Variants in ARMC9 observed in about 807,000 individuals in gnomAD.
ARMC9 encodes the protein lisH domain-containing protein ARMC9.
In ARMC9, 94 loss-of-function variants were observed where a neutral mutation model predicts 107.0. The observed-to-expected ratio is 0.88, with a 90% confidence interval of 0.74 to 1.04. The LOEUF (loss-of-function observed/expected upper bound fraction) is 1.04, where lower values mean the gene tolerates loss of function less well. Ranked by LOEUF, ARMC9 falls within the 50% of genes least tolerant of loss-of-function variation. The pLI, the probability that ARMC9 is intolerant of heterozygous loss-of-function variation, is 0.00. For missense variants in ARMC9, 942 were observed against 1,030.1 expected (o/e 0.91, Z 1.17); for synonymous variants, 380 against 396.9 (o/e 0.96, Z 0.51).
At chr2:231,278,510 C>T (rs373430977) in intron 16 of ARMC9, 52 bp downstream of exon 16, 164 of 1,542,560 alleles carry the variant, frequency 1.1e-4, no homozygotes, top group Non-Finnish European at 1.4e-4. Context: ...CACTGGGGAC[C>T]CAATGCCTGT....
At chr2:231,319,759 T>C (rs563408476) in intron 19 of ARMC9, among the ~76,000 whole-genome samples, 1 of 152,350 alleles carries the variant, frequency 6.6e-6, no homozygotes, top group East Asian at 1.9e-4. Flanking sequence ...CAGCTTGTCC[T>C]GCATGTGGCC....
intron 3 of ARMC9, among the ~76,000 whole-genome samples, chr2:231,212,577 G>A (rs1215363113): frequency 1.3e-5 from 2 of 152,206 alleles, no homozygotes; most frequent in Non-Finnish European, 2.9e-5. Context: ...ACTTCTCATG[G>A]CAAGGCCCCC....
At chr2:231,365,928 C>T (rs2045798244) in intron 23 of ARMC9, among the ~76,000 whole-genome samples, 1 of 152,172 alleles carries the variant, frequency 6.6e-6, no homozygotes, top group South Asian at 2.1e-4. Context: ...CTATTTTCTC[C>T]AGTGCCAGTG....
chr2:231,227,990 G>A (rs1159664864), intron 7 of ARMC9, among the ~76,000 whole-genome samples: 1 of 152,218 alleles, frequency 6.6e-6, no homozygotes. Context: ...AGCACCCTGA[G>A]TCTTGGAGCT....
intron 19 of ARMC9, among the ~76,000 whole-genome samples, chr2:231,324,918 A>T (rs571125647): frequency 1.0e-3 from 154 of 151,926 alleles, no homozygotes; most frequent in African/African-American, 2.1e-3. Context: ...AAAAAAAAAA[A>T]TTTTGTTTAA....
chr2:231,252,316 C>A (rs1488754413), intron 9 of ARMC9, among the ~76,000 whole-genome samples: 1 of 152,184 alleles, frequency 6.6e-6, no homozygotes, highest in Non-Finnish European at 1.5e-5. Context: ...ATGGCACGAT[C>A]TCGGCTCACT....
At position 231,345,059 on chromosome 2, in the gene ARMC9, A is replaced by AC; in HGVS notation, c.1968dup (p.Gly657ArgfsTer311). On this transcript the variant is annotated frameshift_variant, in exon 21 of 25. Coordinates refer to ENST00000611582, the MANE Select transcript of ARMC9 (RefSeq NM_001352754.2). LOFTEE classifies it high-confidence loss of function. ...GGATGAGCCCCTGCAAAGGCCCGTC[A>AC]CCCCCGGCGGCCACAGAAACGGGTA... is the stretch of plus-strand genomic sequence containing the variant. The AC allele has an allele frequency of 6.2e-7, 1 of 1,613,764 alleles. No homozygotes were observed. The highest frequency in any genetic ancestry group is 8.5e-7 in the Non-Finnish European group (1 of 1,179,952).
chr2:231,299,031 TCCA>T (rs995696518), intron 19 of ARMC9, among the ~76,000 whole-genome samples: 4 of 152,144 alleles, frequency 2.6e-5, no homozygotes, highest in African/African-American at 9.7e-5. Flanking sequence ...GCTCACAACT[TCCA>T]CCACTGCTAT....
chr2:231,262,709 A>G (rs1260842532), intron 12 of ARMC9, among the ~76,000 whole-genome samples: 1 of 152,118 alleles, frequency 6.6e-6, no homozygotes, highest in Non-Finnish European at 1.5e-5. Context: ...CTTCAGAGGG[A>G]CAAGGTAGGT....
At position 231,337,501 on chromosome 2, in the gene ARMC9, G is replaced by A. The variant is rs1200175694; in HGVS notation, c.1878+5604G>A. Among the ~76,000 whole-genome samples, 316 of 103,280 alleles carry A rather than the reference G, an allele frequency of 3.1e-3. 1 individual carries two copies. Among genetic ancestry groups the A allele is most frequent in the African/African-American group, 4.0e-3 (90 of 22,652 alleles). The allele number at this position is 103,280 out of a possible 152,430, so 67.8% of individuals were successfully genotyped here. A position where few individuals can be genotyped will look rare whatever the true frequency, so the allele number is the denominator to read the frequency against. On this transcript the variant is annotated intron_variant, in intron 20 of 24. Transcript: ENST00000611582. ...TTTTTTTTTTTTGAGACAGAGTCTCGCTCTGTCGCCCAGGCTGGAGTTCAG... is the reference window on the plus strand; with the variant it reads ...TTTTTTTTTTTTGAGACAGAGTCTCACTCTGTCGCCCAGGCTGGAGTTCAG...
At chr2:231,285,955 G>C (rs2040560171) in intron 17 of ARMC9, among the ~76,000 whole-genome samples, 1 of 152,164 alleles carries the variant, frequency 6.6e-6, no homozygotes, top group Admixed American at 6.5e-5. Context: ...TTGTATGCCT[G>C]CACCCTAGCT....
chr2:231,370,873 T>G (rs1260881014), intron 24 of ARMC9, among the ~76,000 whole-genome samples: 1 of 151,840 alleles, frequency 6.6e-6, no homozygotes, highest in African/African-American at 2.4e-5. Flanking sequence ...ACGAAAGGAG[T>G]CCCGCTTAGG....
At chr2:231,369,399 TCTC>T (rs1191548952) in intron 23 of ARMC9, among the ~76,000 whole-genome samples, 2 of 151,802 alleles carry the variant, frequency 1.3e-5, no homozygotes, top group African/African-American at 4.8e-5. Flanking sequence ...TTCAAGCAAT[TCTC>T]CTGTCTCAGC....
intron 20 of ARMC9, among the ~76,000 whole-genome samples, chr2:231,342,721 G>C (rs2044591257): frequency 1.3e-5 from 2 of 152,272 alleles, no homozygotes; most frequent in African/African-American, 4.8e-5. Flanking sequence ...AGTGGTTGCA[G>C]TGAAAATATC....
intron 1 of ARMC9, among the ~76,000 whole-genome samples, chr2:231,199,251 A>G (rs1434068588): frequency 2.0e-5 from 3 of 152,224 alleles, no homozygotes; most frequent in Admixed American, 1.3e-4. Flanking sequence ...GTAACTGGAA[A>G]AGTTTTTCTT....
At chr2:231,355,773 T>C in intron 21 of ARMC9, 25 bp from the exon 22 acceptor site, 3 of 1,521,590 alleles carry the variant, frequency 2.0e-6, no homozygotes, top group Non-Finnish European at 2.6e-6. Context: ...CTGTACTCAC[T>C]GCCGTTTTTC....
chr2:231,239,802 A>AT, intron 8 of ARMC9, 141 bp from the exon 9 acceptor site: 1 of 707,126 alleles, frequency 1.4e-6, no homozygotes, highest in Non-Finnish European at 2.5e-6. Flanking sequence ...AAAGCAAATG[A>AT]TTATTTTTCT....
chr2:231,341,666 A>T (rs77561305), intron 20 of ARMC9, among the ~76,000 whole-genome samples: 2,845 of 152,026 alleles, frequency 0.019, 107 homozygotes, highest in African/African-American at 0.064. Context: ...AGATAGATAG[A>T]TAGATAGATA....
chr2:231,278,475 G>A lies in ARMC9; in HGVS notation c.1551+17G>A. 1 of 1,612,830 alleles carries A rather than the reference G, an allele frequency of 6.2e-7. No homozygotes were observed. ...AACCATGAGGTACTCATTCAGCACT[G>A]CTGGCCCTGGGCTCGGGGAGGCTAC... On this transcript the variant is annotated intron_variant, in intron 16 of 24. Coordinates refer to ENST00000611582, the MANE Select transcript of ARMC9 (RefSeq NM_001352754.2).
Sources: gnomAD v4.1 joint callset for allele counts (sites outside exome capture counted in the v4.1 genomes callset) on GRCh38, gnomAD v4.1.1 for gene constraint, MANE v1.5 for transcripts, NCBI Gene and HGNC (gene_info 2026-07-23, HGNC 2026-07-21) for gene names.